The following CSMD1 variants were observed in gnomAD, a reference collection of about 807,000 sequenced individuals.
CSMD1 encodes the protein CUB and sushi domain-containing protein 1.
In CSMD1, 213 loss-of-function variants were observed where a neutral mutation model predicts 417.5. The ratio of observed to expected loss-of-function variants is 0.51; its 90% CI spans 0.46 to 0.57. CSMD1 has a LOEUF of 0.57. Among genes scored for constraint, CSMD1 ranks in the 20% least tolerant of loss-of-function variants. The pLI is 0.00. For missense variants in CSMD1, 6,923 were observed against 4,529.7 expected, an observed-to-expected ratio of 1.53 and a Z score of -15.17; for synonymous variants, 2,862 against 1,736.8, an observed-to-expected ratio of 1.65 and a Z score of -16.11.
intron 10 of CSMD1, among the ~76,000 whole-genome samples, chr8:3,529,246 T>C (rs1273321042): frequency 6.6e-6 from 1 of 152,232 alleles, no homozygotes; most frequent in African/African-American, 2.4e-5. Flanking sequence ...CAGTAGCTCA[T>C]ATTTCAATGC....
chr8:4,155,303 G>C (rs1261198672), intron 3 of CSMD1, among the ~76,000 whole-genome samples: 1 of 152,214 alleles, frequency 6.6e-6, no homozygotes, highest in East Asian at 1.9e-4. Flanking sequence ...AGCAAGATCA[G>C]CGTTTGGGTC....
At chr8:4,727,062 A>G (rs1320360184) in intron 1 of CSMD1, among the ~76,000 whole-genome samples, 2 of 152,162 alleles carry the variant, frequency 1.3e-5, no homozygotes, top group Non-Finnish European at 2.9e-5. Flanking sequence ...AGAAACTGAG[A>G]TTGATGTCAG....
intron 1 of CSMD1, among the ~76,000 whole-genome samples, chr8:4,854,342 T>A (rs1801664093): frequency 6.6e-6 from 1 of 152,190 alleles, no homozygotes; most frequent in Non-Finnish European, 1.5e-5. Context: ...CTTCCTGCTG[T>A]CCTCATAGTA....
chr8:4,895,778 A>T (rs189667193), intron 1 of CSMD1, among the ~76,000 whole-genome samples: 3 of 152,210 alleles, frequency 2.0e-5, no homozygotes. Flanking sequence ...TTACCAAAGT[A>T]AATTTAAAAT....
At chr8:3,680,807 G>A (rs1393391801) in intron 7 of CSMD1, among the ~76,000 whole-genome samples, 6 of 152,180 alleles carry the variant, frequency 3.9e-5, no homozygotes, top group Admixed American at 6.5e-5. Flanking sequence ...CTGGCAAACC[G>A]AACTCAGCAG....
At chr8:4,438,249 G>C (rs1350051125) in intron 2 of CSMD1, among the ~76,000 whole-genome samples, 3 of 152,162 alleles carry the variant, frequency 2.0e-5, no homozygotes, top group African/African-American at 2.4e-5. Context: ...CTTGTTTTTA[G>C]AGTGCAGTTC....
intron 55 of CSMD1, among the ~76,000 whole-genome samples, chr8:2,976,949 A>T (rs1042159382): frequency 3.3e-5 from 5 of 151,992 alleles, no homozygotes; most frequent in African/African-American, 1.2e-4. Flanking sequence ...ATCTATAATT[A>T]TCTCTGCCCA....
intron 3 of CSMD1, among the ~76,000 whole-genome samples, chr8:4,061,980 C>T (rs1396412574): frequency 6.6e-6 from 1 of 152,060 alleles, no homozygotes; most frequent in Non-Finnish European, 1.5e-5. Flanking sequence ...ATGCCAAACC[C>T]CCTGCTGCCC....
intron 42 of CSMD1, among the ~76,000 whole-genome samples, chr8:3,114,442 T>C (rs945445988): frequency 6.7e-6 from 1 of 149,398 alleles, no homozygotes; most frequent in East Asian, 1.9e-4. Context: ...ATAATAAATA[T>C]GTTATAATAT....
chr8:4,035,105 G>C (rs766510297), intron 3 of CSMD1, among the ~76,000 whole-genome samples: 4 of 152,154 alleles, frequency 2.6e-5, no homozygotes, highest in Non-Finnish European at 4.4e-5. Flanking sequence ...ATAGTTGTGA[G>C]CTGCCTAACA....
chr8:3,653,230 A>G (rs1213900071), intron 7 of CSMD1, among the ~76,000 whole-genome samples: 1 of 152,046 alleles, frequency 6.6e-6, no homozygotes. Flanking sequence ...CTTATTTTTT[A>G]CATTGTCTCA....
chr8:4,223,868 A>C (rs1446373495), intron 3 of CSMD1, among the ~76,000 whole-genome samples: 3 of 152,198 alleles, frequency 2.0e-5, no homozygotes, highest in Admixed American at 6.5e-5. Context: ...AAGGTCCCTA[A>C]AAGTCCTGCA....
At chr8:4,787,462 G>C (rs1357770790) in intron 1 of CSMD1, 2 of 797,710 alleles carry the variant, frequency 2.5e-6, no homozygotes, top group Non-Finnish European at 4.4e-6. Flanking sequence ...AGAATCACCT[G>C]GAAGGAAAAG....
chr8:4,176,412 T>G (rs1204305483), intron 3 of CSMD1, among the ~76,000 whole-genome samples: 1 of 152,132 alleles, frequency 6.6e-6, no homozygotes, highest in African/African-American at 2.4e-5. Context: ...TTTCTCTTAT[T>G]TACCATGATT....
At chr8:4,680,052 G>C (rs533507711) in intron 1 of CSMD1, among the ~76,000 whole-genome samples, 3 of 152,218 alleles carry the variant, frequency 2.0e-5, no homozygotes, top group Non-Finnish European at 2.9e-5. Flanking sequence ...CAAATGATGT[G>C]AATAAAACAA....
intron 25 of CSMD1, among the ~76,000 whole-genome samples, chr8:3,295,252 G>A (rs1803881649): frequency 6.6e-6 from 1 of 152,026 alleles, no homozygotes; most frequent in Non-Finnish European, 1.5e-5. Flanking sequence ...AGCCTCCCGA[G>A]TAGCTGGGAC....
chr8:4,899,044 C>T (rs1804690196), intron 1 of CSMD1, among the ~76,000 whole-genome samples: 1 of 152,112 alleles, frequency 6.6e-6, no homozygotes, highest in South Asian at 2.1e-4. Flanking sequence ...CCTTTGGGGA[C>T]AGCTTGATCA....
chr8:4,719,937 C>G (rs1584994768), intron 1 of CSMD1, among the ~76,000 whole-genome samples: 1 of 152,062 alleles, frequency 6.6e-6, no homozygotes, highest in East Asian at 1.9e-4. Flanking sequence ...TTGTTGATAG[C>G]TAATGTCACC....
chr8:3,349,571 T>C (rs1052802017), intron 21 of CSMD1, among the ~76,000 whole-genome samples: 4 of 151,972 alleles, frequency 2.6e-5, no homozygotes, highest in South Asian at 4.2e-4. Context: ...GTGCAGGCAA[T>C]TGGTGACTCA....
Sources: allele counts gnomAD v4.1 joint callset (sites outside exome capture counted in the v4.1 genomes callset), GRCh38; gene constraint gnomAD v4.1.1; transcripts MANE v1.5; gene names NCBI Gene and HGNC (gene_info 2026-07-23, HGNC 2026-07-21).